ATP6V0D2: variants seen among roughly 807,000 people sequenced by gnomAD.
The protein encoded by ATP6V0D2 is V-type proton ATPase subunit d 2.
A neutral mutation model predicts 40.0 loss-of-function variants in ATP6V0D2; 40 were observed. That is an observed-to-expected ratio of 1.00 (90% CI 0.78 to 1.30). ATP6V0D2 has a LOEUF of 1.30. ATP6V0D2 is among the 50% of genes most tolerant of loss of function. ATP6V0D2 has a pLI of 0.00. For synonymous variants in ATP6V0D2, 179 were observed against 156.3 expected (o/e 1.15, Z -1.08); for missense variants, 470 against 423.1 (o/e 1.11, Z -0.97).
At chr8:86,114,128 C>T (rs80224208) in intron 2 of ATP6V0D2, among the ~76,000 whole-genome samples, 6,923 of 125,612 alleles carry the variant, frequency 0.055, 536 homozygotes, top group African/African-American at 0.18. Context: ...GGAATCTTTT[C>T]AGTTTTCATT....
chr8:86,111,141 T>A lies in ATP6V0D2; in HGVS notation c.131-2568T>A, dbSNP rs374936911. Among the ~76,000 whole-genome samples the A allele has an allele frequency of 5.3e-5, 8 of 152,088 alleles. No homozygotes were observed. The East Asian group carries it at 1.4e-3, about 26-fold the overall frequency. On this transcript the variant is annotated intron_variant, in intron 1 of 7. Transcript: ENST00000285393. ...TTGACATCTTTCCAACCCCTCACCCTCTCACTTGTCCCCCACTAAGTCGTT... is the reference window on the plus strand; with the variant it reads ...TTGACATCTTTCCAACCCCTCACCCACTCACTTGTCCCCCACTAAGTCGTT...
At position 86,151,454 on chromosome 8, in the gene ATP6V0D2, T is replaced by C; in HGVS notation, c.817-12T>C. On this transcript the variant is annotated splice_polypyrimidine_tract_variant and intron_variant, in intron 6 of 7. Transcript: ENST00000285393. ...TGAAAATGTCTTTAAAATTAATGTCTTTGTTTTTAAGGTATACAAACCTTT... is the reference window on the plus strand; with the variant it reads ...TGAAAATGTCTTTAAAATTAATGTCCTTGTTTTTAAGGTATACAAACCTTT... The C allele has an allele frequency of 6.4e-7, 1 of 1,556,206 alleles. No individual in the cohort carries two copies. Among genetic ancestry groups the C allele is most frequent in the Non-Finnish European group, 8.7e-7 (1 of 1,143,592 alleles).
intron 2 of ATP6V0D2, among the ~76,000 whole-genome samples, chr8:86,133,525 A>G (rs954455915): frequency 4.0e-5 from 6 of 151,416 alleles, no homozygotes; most frequent in South Asian, 4.2e-4. Flanking sequence ...GTTTCACCAT[A>G]TTGGCCAAGC....
At chr8:86,137,404 G>T (rs1269212690) in intron 2 of ATP6V0D2, among the ~76,000 whole-genome samples, 4 of 152,032 alleles carry the variant, frequency 2.6e-5, no homozygotes, top group Non-Finnish European at 4.4e-5. Context: ...TAAAAGCTGG[G>T]GTTCCCCAGA....
At chr8:86,142,410 T>C (rs1818987271) in intron 4 of ATP6V0D2, among the ~76,000 whole-genome samples, 1 of 152,184 alleles carries the variant, frequency 6.6e-6, no homozygotes, top group Non-Finnish European at 1.5e-5. Context: ...GTCAGTTAGC[T>C]AAAACGTATT....
At chr8:86,115,951 C>T (rs1352939908) in intron 2 of ATP6V0D2, among the ~76,000 whole-genome samples, 1 of 152,014 alleles carries the variant, frequency 6.6e-6, no homozygotes, top group South Asian at 2.1e-4. Context: ...AAAGGAAAAC[C>T]AATGCAAATT....
chr8:86,136,979 T>C (rs1818906094), intron 2 of ATP6V0D2, among the ~76,000 whole-genome samples: 1 of 152,188 alleles, frequency 6.6e-6, no homozygotes, highest in African/African-American at 2.4e-5. Flanking sequence ...TAAATATCTT[T>C]ACTTCTCTTC....
intron 5 of ATP6V0D2, among the ~76,000 whole-genome samples, chr8:86,149,076 C>CAA (rs1563567503): frequency 8.7e-6 from 1 of 114,922 alleles, no homozygotes; most frequent in African/African-American, 3.4e-5. Context: ...AAAAAAAAAA[C>CAA]CAATGAACAA....
chr8:86,135,817 A>T (rs1311704781), intron 2 of ATP6V0D2, among the ~76,000 whole-genome samples: 1 of 152,192 alleles, frequency 6.6e-6, no homozygotes, highest in African/African-American at 2.4e-5. Flanking sequence ...AGAGGTTTGA[A>T]CTAGGTAAAC....
At chr8:86,145,888 A>C (rs978875610) in intron 5 of ATP6V0D2, among the ~76,000 whole-genome samples, 1 of 152,240 alleles carries the variant, frequency 6.6e-6, no homozygotes, top group African/African-American at 2.4e-5. Flanking sequence ...GCTAGATGCT[A>C]TCTTGAGTGC....
At chr8:86,150,004 TC>T in intron 5 of ATP6V0D2, 107 bp from the exon 6 acceptor site, 1 of 1,063,524 alleles carries the variant, frequency 9.4e-7, no homozygotes, top group Non-Finnish European at 1.4e-6. Context: ...TAGACATAGA[TC>T]CAGAAAGGAA....
In ATP6V0D2 at chr8:86,141,509, C is replaced by T. The variant is rs752462755; in HGVS notation, c.541C>T (p.Leu181=). 1.9e-6 allele frequency: 3 copies of T among 1,606,964 alleles called. No individual in the cohort carries two copies. The highest frequency in any genetic ancestry group is 1.7e-4 in the Middle Eastern group (1 of 6,050). ...TCTAGATGAACTGAATATTGAATTG[C>T]TACGCAATAAACTATACAAGGTAAT... The part of the protein sequence containing the change: ...NALDELNIEL[L]RNKLYKSYLE... Residue 181 remains leucine (L), a synonymous_variant, in exon 4 of 8, where the codon CTA becomes TTA. Coordinates refer to ENST00000285393, the MANE Select transcript of ATP6V0D2 (RefSeq NM_152565.1).
chr8:86,103,999 G>C (rs1048827356), intron 1 of ATP6V0D2, among the ~76,000 whole-genome samples: 4 of 151,826 alleles, frequency 2.6e-5, no homozygotes, highest in African/African-American at 9.7e-5. Flanking sequence ...CTAATTTTTT[G>C]TATTTTTAGT....
intron 2 of ATP6V0D2, among the ~76,000 whole-genome samples, chr8:86,128,713 A>C (rs1818778444): frequency 6.6e-6 from 1 of 152,248 alleles, no homozygotes; most frequent in Non-Finnish European, 1.5e-5. Flanking sequence ...TACAAGATAC[A>C]AAACAAGATG....
rs535287065 is a variant in ATP6V0D2, at chr8:86,138,775, T to C, written c.303-682T>C. Among the ~76,000 whole-genome samples the C allele has an allele frequency of 3.3e-5, 5 of 152,302 alleles. No homozygotes were observed. The South Asian group carries it at 1.0e-3, about 32-fold the overall frequency. On this transcript the variant is annotated intron_variant, in intron 2 of 7. Transcript: ENST00000285393. ...AGTAAGATGCTCCAGCTCTGTGTTT[T>C]TCAACTTTTCAAGCCCTTTGTCCAT... is the stretch of plus-strand genomic sequence containing the variant.
rs1436418774 is a variant in ATP6V0D2 at position 86,153,757 on chromosome 8, TG to T, written c.*781del. On this transcript the variant is annotated 3_prime_UTR_variant, in exon 8 of 8. Coordinates refer to ENST00000285393, the MANE Select transcript of ATP6V0D2 (RefSeq NM_152565.1). ...CACAAGTGTTGGAAAATGTGTTTTT[TG>T]TTTTGTTTTGTTTTGTTTCGTTTTG... is the stretch of plus-strand genomic sequence containing the variant. 1 of 152,040 alleles carries T rather than the reference TG, an allele frequency of 6.6e-6. No homozygotes were observed. The highest frequency in any genetic ancestry group is 2.4e-5 in the African/African-American group (1 of 41,362). The allele number at this position is 152,040 out of a possible 1,614,324, so 9.4% of individuals were successfully genotyped here. A position where few individuals can be genotyped will look rare whatever the true frequency, so the allele number is the denominator to read the frequency against.
chr8:86,140,723 A>G (rs1818959826), intron 3 of ATP6V0D2, among the ~76,000 whole-genome samples: 1 of 152,154 alleles, frequency 6.6e-6, no homozygotes, highest in Non-Finnish European at 1.5e-5. Flanking sequence ...TTAGGGCAGC[A>G]GTCCCCAACC....
At chr8:86,100,489 A>T (rs1818382789) in intron 1 of ATP6V0D2, among the ~76,000 whole-genome samples, 1 of 152,200 alleles carries the variant, frequency 6.6e-6, no homozygotes, top group African/African-American at 2.4e-5. Flanking sequence ...TCCTGAGGCC[A>T]CTTGTTTATA....
chr8:86,125,005 C>T (rs1818721217), intron 2 of ATP6V0D2, among the ~76,000 whole-genome samples: 2 of 152,122 alleles, frequency 1.3e-5, no homozygotes. Flanking sequence ...AGGTGATGCC[C>T]AAGCTAAGGC....
Sources: gnomAD v4.1 joint callset for allele counts (sites outside exome capture counted in the v4.1 genomes callset) on GRCh38, gnomAD v4.1.1 for gene constraint, MANE v1.5 for transcripts, NCBI Gene and HGNC (gene_info 2026-07-23, HGNC 2026-07-21) for gene names.